CSGALNACT1: variants seen among roughly 807,000 people sequenced by gnomAD.
CSGALNACT1 encodes beta4GalNAcT-1.
A neutral mutation model predicts 51.0 loss-of-function variants in CSGALNACT1; 52 were observed. That is an observed-to-expected ratio of 1.02 (90% CI 0.82 to 1.29). The LOEUF is 1.29. CSGALNACT1 is among the 50% of genes most tolerant of loss of function. CSGALNACT1 has a pLI of 0.00. For missense variants in CSGALNACT1, 935 were observed against 679.2 expected (o/e 1.38, Z -4.19); for synonymous variants, 341 against 254.4 (o/e 1.34, Z -3.24).
chr8:19,669,256 G>A (rs1241687533), intron 1 of CSGALNACT1, among the ~76,000 whole-genome samples: 1 of 152,184 alleles, frequency 6.6e-6, no homozygotes, highest in Non-Finnish European at 1.5e-5. Flanking sequence ...AACCACAGAA[G>A]AGGAAAATGA....
chr8:19,541,459 AG>A (rs1417200425), intron 3 of CSGALNACT1, among the ~76,000 whole-genome samples: 1 of 148,862 alleles, frequency 6.7e-6, no homozygotes, highest in Non-Finnish European at 1.5e-5. Flanking sequence ...TCACTATGTT[AG>A]CCAGGATGGT....
At chr8:19,419,142 G>A (rs1306096536) in intron 7 of CSGALNACT1, among the ~76,000 whole-genome samples, 2 of 152,074 alleles carry the variant, frequency 1.3e-5, no homozygotes, top group Admixed American at 6.6e-5. Flanking sequence ...CACTGCGCCC[G>A]GCCTGCAGCC....
At chr8:19,569,586 T>C (rs1228952907) in intron 3 of CSGALNACT1, among the ~76,000 whole-genome samples, 2 of 152,048 alleles carry the variant, frequency 1.3e-5, no homozygotes, top group Non-Finnish European at 2.9e-5. Context: ...TTGTTGACAA[T>C]ACCAAATGCT....
intron 4 of CSGALNACT1, among the ~76,000 whole-genome samples, chr8:19,498,091 G>A (rs951193391): frequency 9.2e-5 from 14 of 152,212 alleles, no homozygotes; most frequent in East Asian, 1.9e-4. Context: ...CTGTGTCAAC[G>A]GGCACGTATC....
chr8:19,514,412 T>A (rs2079073481), intron 3 of CSGALNACT1, among the ~76,000 whole-genome samples: 1 of 145,636 alleles, frequency 6.9e-6, no homozygotes, highest in East Asian at 2.0e-4. Flanking sequence ...AGACCAGCTG[T>A]CTCCAAACAT....
intron 4 of CSGALNACT1, among the ~76,000 whole-genome samples, chr8:19,483,994 C>T (rs1397130255): frequency 1.3e-5 from 2 of 152,148 alleles, no homozygotes; most frequent in Non-Finnish European, 2.9e-5. Context: ...AACAGTCCAT[C>T]CTGTCCAGGA....
chr8:19,706,390 G>C (rs779534461), intron 1 of CSGALNACT1, among the ~76,000 whole-genome samples: 1 of 152,180 alleles, frequency 6.6e-6, no homozygotes, highest in Non-Finnish European at 1.5e-5. Flanking sequence ...GAAAACTGCG[G>C]CGGAGGCTGG....
chr8:19,603,037 A>G (rs1175916681), upstream of CSGALNACT1, among the ~76,000 whole-genome samples: 3 of 120,710 alleles, frequency 2.5e-5, no homozygotes, highest in Non-Finnish European at 5.1e-5. Context: ...ATTTGCTATT[A>G]CTGTGTGTAT....
At chr8:19,615,173 G>A (rs575477896) in intron 1 of CSGALNACT1, among the ~76,000 whole-genome samples, 7 of 152,230 alleles carry the variant, frequency 4.6e-5, no homozygotes, top group African/African-American at 7.2e-5. Flanking sequence ...GCATGCTGGC[G>A]TGCACCTGTA....
rs199793347 is a variant in CSGALNACT1 at position 19,458,488 on chromosome 8, G to T, written c.789C>A (p.Ile263=). ...TTTTTGCTAGAGGCACGATAACATTGATAAGCGTGTTGGCCATGTTGAGCT... is the reference window on the plus strand; with the variant it reads ...TTTTTGCTAGAGGCACGATAACATTTATAAGCGTGTTGGCCATGTTGAGCT... The change falls in exon 5 of 10, where the codon ATC becomes ATA. Residue 263 remains isoleucine (I), a synonymous_variant. Transcript: ENST00000454498. 474 of 1,614,204 alleles carry T rather than the reference G, an allele frequency of 2.9e-4. 1 individual carries two copies. The highest frequency in any genetic ancestry group is 6.6e-4 in the Middle Eastern group (4 of 6,062).
chr8:19,471,205 G>A (rs1386962137), intron 4 of CSGALNACT1, among the ~76,000 whole-genome samples: 1 of 152,150 alleles, frequency 6.6e-6, no homozygotes, highest in Non-Finnish European at 1.5e-5. Context: ...AGCCTCCAAT[G>A]GGCATGCGTA....
intron 4 of CSGALNACT1, among the ~76,000 whole-genome samples, chr8:19,502,602 A>G (rs2076612025): frequency 1.3e-5 from 2 of 152,220 alleles, no homozygotes; most frequent in Admixed American, 6.5e-5. Flanking sequence ...TTTCTAACCA[A>G]CTTTTCCCAT....
At chr8:19,483,531 C>T (rs552956152) in intron 4 of CSGALNACT1, among the ~76,000 whole-genome samples, 1 of 152,322 alleles carries the variant, frequency 6.6e-6, no homozygotes, top group South Asian at 2.1e-4. Context: ...ACTTTTGCTC[C>T]TCTCTGTCCT....
chr8:19,493,871 TACACACACACACACACAC>T (rs57708862), intron 4 of CSGALNACT1, among the ~76,000 whole-genome samples: 2 of 149,002 alleles, frequency 1.3e-5, no homozygotes, highest in Non-Finnish European at 3.0e-5. Flanking sequence ...TGTGTGTTTA[TACACACACACACACACAC>T]ACACACACAC....
chr8:19,750,328 G>T (rs1480980742), intron 1 of CSGALNACT1, among the ~76,000 whole-genome samples: 1 of 152,170 alleles, frequency 6.6e-6, no homozygotes, highest in Non-Finnish European at 1.5e-5. Context: ...TCTGGTGGAA[G>T]AACCAGAAAA....
intron 1 of CSGALNACT1, among the ~76,000 whole-genome samples, chr8:19,743,796 A>C (rs1018084861): frequency 6.6e-6 from 1 of 152,260 alleles, no homozygotes; most frequent in Non-Finnish European, 1.5e-5. Context: ...ATATCTTTTC[A>C]GAAGTCTGAT....
intron 1 of CSGALNACT1, among the ~76,000 whole-genome samples, chr8:19,669,315 A>C (rs1485302532): frequency 1.3e-5 from 2 of 152,232 alleles, no homozygotes; most frequent in African/African-American, 4.8e-5. Context: ...CAATTTTATT[A>C]ATATGTACCC....
At chr8:19,720,197 C>T (rs1451951177) in intron 1 of CSGALNACT1, among the ~76,000 whole-genome samples, 3 of 152,216 alleles carry the variant, frequency 2.0e-5, no homozygotes, top group Non-Finnish European at 1.5e-5. Flanking sequence ...TGAAACCCCG[C>T]AATTCATGCC....
rs2059284279 is a variant in CSGALNACT1, at chr8:19,666,871, AAGAAAGAAAGAAAG to A, written c.-544+15588_-544+15601del. On this transcript the variant is annotated intron_variant, in intron 1 of 9. Coordinates refer to the CSGALNACT1 transcript ENST00000332246. ...AAAGAAAGAAAGAAAGAAAGAAAGA[AAGAAAGAAAGAAAG>A]AGAGAGAGGAAGTGAGGAAGGGAGG... Among the ~76,000 whole-genome samples, 8 of 130,828 alleles carry A rather than the reference AAGAAAGAAAGAAAG, an allele frequency of 6.1e-5. 1 individual carries two copies. Among genetic ancestry groups the A allele is most frequent in the South Asian group, 4.9e-4 (2 of 4,042 alleles). 85.8% of individuals were successfully genotyped at this position (130,828 alleles called of 152,430 possible). A position where few individuals can be genotyped will look rare whatever the true frequency, so the allele number is the denominator to read the frequency against.
Sources: allele counts gnomAD v4.1 joint callset (sites outside exome capture counted in the v4.1 genomes callset), GRCh38; gene constraint gnomAD v4.1.1; transcripts MANE v1.5; gene names NCBI Gene and HGNC (gene_info 2026-07-23, HGNC 2026-07-21).